APPBP2: variants seen among roughly 807,000 people sequenced by gnomAD.
APPBP2 encodes the protein amyloid protein-binding protein 2.
APPBP2 carries 15 observed loss-of-function variants against 76.0 expected under a neutral mutation model. The ratio of observed to expected loss-of-function variants is 0.20; its 90% CI spans 0.13 to 0.30. The LOEUF (loss-of-function observed/expected upper bound fraction) is 0.30, where lower values mean the gene tolerates loss of function less well. Ranked by LOEUF, APPBP2 falls within the 10% of genes least tolerant of loss-of-function variation. The probability of loss-of-function intolerance (pLI) is 1.00; values close to 1 mark genes in which losing one functional copy is unlikely to be tolerated. For missense variants in APPBP2, 401 were observed against 687.2 expected (o/e 0.58, Z 4.66); for synonymous variants, 222 against 242.2 (o/e 0.92, Z 0.77).
chr17:60,518,678 T>A (rs2090984665), intron 1 of APPBP2, among the ~76,000 whole-genome samples: 2 of 152,128 alleles, frequency 1.3e-5, no homozygotes, highest in African/African-American at 4.8e-5. Context: ...TAATTTTTAA[T>A]TTTTTTGTAG....
At chr17:60,479,304 C>T in intron 3 of APPBP2, 33 bp from the exon 4 acceptor site, 1 of 1,577,640 alleles carries the variant, frequency 6.3e-7, no homozygotes, top group Non-Finnish European at 8.6e-7. Flanking sequence ...TTTTAGAAAA[C>T]TTGATAAATA....
Position 60,460,689 on chromosome 17 carries a change from A to G in APPBP2, c.1035T>C (p.Tyr345=). ...DLAYSSYVHQ[Y]SSGKFDNALF... ...GTGCATTGTCAAATTTCCCAGAGCTATACTGGTGGACATAAGAAGAGTAGG... is the reference window on the plus strand; with the variant it reads ...GTGCATTGTCAAATTTCCCAGAGCTGTACTGGTGGACATAAGAAGAGTAGG... Residue 345 remains tyrosine (Y), a synonymous_variant, in exon 9 of 13, where the codon TAT becomes TAC. Coordinates refer to ENST00000083182, the MANE Select transcript of APPBP2 (RefSeq NM_006380.5). The G allele has an allele frequency of 6.2e-7, 1 of 1,613,768 alleles. No homozygotes were observed. The highest frequency in any genetic ancestry group is 8.5e-7 in the Non-Finnish European group (1 of 1,179,770).
chr17:60,518,857 TG>T (rs536265180), intron 1 of APPBP2, among the ~76,000 whole-genome samples: 7 of 152,322 alleles, frequency 4.6e-5, no homozygotes, highest in African/African-American at 1.7e-4. Flanking sequence ...TTCTGGGCTT[TG>T]GTTTCATTCT....
chr17:60,480,445 G>A (rs377524149), intron 3 of APPBP2, among the ~76,000 whole-genome samples: 1 of 152,016 alleles, frequency 6.6e-6, no homozygotes, highest in African/African-American at 2.4e-5. Flanking sequence ...TACAATAAGT[G>A]GCTTTTTCTT....
At chr17:60,448,392 G>A (rs2143276220) in intron 12 of APPBP2, among the ~76,000 whole-genome samples, 1 of 152,366 alleles carries the variant, frequency 6.6e-6, no homozygotes. Flanking sequence ...GAACCCAGGA[G>A]GCAGAGGTTG....
Position 60,444,730 on chromosome 17 carries a change from A to G in APPBP2, c.*2851T>C, listed in dbSNP as rs2090331794. 1 of 152,570 alleles carries G rather than the reference A, an allele frequency of 6.6e-6. No homozygotes were observed. Among genetic ancestry groups the G allele is most frequent in the African/African-American group, 2.4e-5 (1 of 41,426 alleles). 9.5% of individuals were successfully genotyped at this position (152,570 alleles called of 1,614,324 possible). A position where few individuals can be genotyped will look rare whatever the true frequency, so the allele number is the denominator to read the frequency against. ...CAATTGACTCTATTAAATGGAATGC[A>G]GGCATGAGTGGCCACCTGAGCGACA... On this transcript the variant is annotated 3_prime_UTR_variant, in exon 13 of 13. Transcript: ENST00000083182.
At chr17:60,458,866 G>A (rs941362989) in intron 9 of APPBP2, among the ~76,000 whole-genome samples, 4 of 150,810 alleles carry the variant, frequency 2.7e-5, no homozygotes, top group African/African-American at 7.3e-5. Context: ...TCCGACTCCC[G>A]GGTTCAAGCG....
intron 4 of APPBP2, among the ~76,000 whole-genome samples, chr17:60,476,512 TTAC>T (rs570670548): frequency 4.7e-4 from 71 of 152,172 alleles, no homozygotes; most frequent in African/African-American, 1.7e-3. Context: ...ATGAAAAAAA[TTAC>T]TTATTATAAA....
chr17:60,485,275 T>C (rs1178152849), intron 3 of APPBP2, among the ~76,000 whole-genome samples: 2 of 152,220 alleles, frequency 1.3e-5, no homozygotes, highest in East Asian at 3.8e-4. Context: ...TCAGAAGGAA[T>C]GGTACCAGCT....
rs568353922 is a variant in APPBP2, at chr17:60,447,739, A to C, written c.1600T>G (p.Phe534Val). The change falls in exon 13 of 13, where the codon TTT becomes GTT. Residue 534 changes from phenylalanine to valine, a missense_variant. Physicochemically the swap from Phe to Val is conservative, Grantham distance 50. Coordinates refer to ENST00000083182, the MANE Select transcript of APPBP2 (RefSeq NM_006380.5). ...TTAGACAGAACATTGTGATATTCAA[A>C]CACTTTCTCGTAATTTCCAATGGAG... ...YNSIGNYEKV[F>V]EYHNVLSNWN... is the part of the protein sequence containing the mutation. 6.2e-7 allele frequency: 1 copy of C among 1,614,124 alleles called. No homozygotes were observed. Among genetic ancestry groups the C allele is most frequent in the South Asian group, 1.1e-5 (1 of 91,080 alleles).
intron 1 of APPBP2, among the ~76,000 whole-genome samples, chr17:60,522,387 A>G (rs2091016625): frequency 6.6e-6 from 1 of 152,110 alleles, no homozygotes; most frequent in Non-Finnish European, 1.5e-5. Context: ...CAGTGGCACA[A>G]TGACAGCTCA....
chr17:60,512,833 A>T (rs1277002657), intron 1 of APPBP2, among the ~76,000 whole-genome samples: 1 of 109,548 alleles, frequency 9.1e-6, no homozygotes, highest in Non-Finnish European at 1.9e-5. Context: ...GACTCCATCT[A>T]AAAAAAAAAA....
intron 12 of APPBP2, among the ~76,000 whole-genome samples, chr17:60,451,544 G>C (rs1240143277): frequency 6.6e-6 from 1 of 152,070 alleles, no homozygotes; most frequent in Non-Finnish European, 1.5e-5. Context: ...CACAATCTCA[G>C]CTCATGACAA....
At chr17:60,486,445 T>C (rs1185872489) in intron 3 of APPBP2, among the ~76,000 whole-genome samples, 3 of 151,824 alleles carry the variant, frequency 2.0e-5, no homozygotes, top group Non-Finnish European at 4.4e-5. Context: ...CCTTTACCAT[T>C]ATGTGATGGC....
At chr17:60,492,012 C>G (rs193295919) in intron 3 of APPBP2, among the ~76,000 whole-genome samples, 182 of 152,248 alleles carry the variant, frequency 1.2e-3, no homozygotes, top group Non-Finnish European at 1.6e-3. Context: ...AGCCCAGGGC[C>G]CCCCTGCTGT....
intron 6 of APPBP2, among the ~76,000 whole-genome samples, chr17:60,463,050 T>C (rs1024637124): frequency 6.6e-6 from 1 of 151,998 alleles, no homozygotes; most frequent in Non-Finnish European, 1.5e-5. Context: ...ATTAAAAACG[T>C]AAGAATATCC....
chr17:60,499,473 A>C (rs1247077485), intron 2 of APPBP2, among the ~76,000 whole-genome samples: 1 of 152,220 alleles, frequency 6.6e-6, no homozygotes, highest in Non-Finnish European at 1.5e-5. Flanking sequence ...CAGGAGTTCG[A>C]GGGCAGCCTG....
At position 60,444,565 on chromosome 17, in the gene APPBP2, T is replaced by C. The variant is rs1041048593; in HGVS notation, c.*3016A>G. 6.6e-6 allele frequency: 1 copy of C among 151,902 alleles called. No homozygotes were observed. 9.4% of individuals were successfully genotyped at this position (151,902 alleles called of 1,614,324 possible). On this transcript the variant is annotated 3_prime_UTR_variant, in exon 13 of 13. Coordinates refer to ENST00000083182, the MANE Select transcript of APPBP2 (RefSeq NM_006380.5). ...CAAATTATTTTCACAAGTGAAAAAA[T>C]ACCTGGGCAGGGGTTACTACAAAGC...
intron 1 of APPBP2, among the ~76,000 whole-genome samples, chr17:60,514,988 G>C (rs1232503686): frequency 6.6e-6 from 1 of 151,874 alleles, no homozygotes; most frequent in Non-Finnish European, 1.5e-5. Flanking sequence ...ATGTTTAGTA[G>C]AGACGGGGTT....
Sources: allele counts gnomAD v4.1 joint callset (sites outside exome capture counted in the v4.1 genomes callset), GRCh38; gene constraint gnomAD v4.1.1; transcripts MANE v1.5; gene names NCBI Gene and HGNC (gene_info 2026-07-23, HGNC 2026-07-21).